COMMD7: variants seen among roughly 807,000 people sequenced by gnomAD.
COMMD7 encodes the protein COMM domain-containing protein 7.
A neutral mutation model predicts 34.8 loss-of-function variants in COMMD7; 28 were observed. The observed-to-expected ratio is 0.80, with a 90% CI of 0.60 to 1.10. The LOEUF (loss-of-function observed/expected upper bound fraction) is 1.10, where lower values mean the gene tolerates loss of function less well. COMMD7 is among the 50% of genes least tolerant of loss of function. COMMD7 has a pLI of 0.00. For missense variants in COMMD7, 211 were observed against 241.6 expected (o/e 0.87, Z 0.84); for synonymous variants, 80 against 86.4 (o/e 0.93, Z 0.41).
At chr20:32,724,951 TAAAAAAAAAAA>T in intron 3 of COMMD7, among the ~76,000 whole-genome samples, 1 of 13,888 alleles carries the variant, frequency 7.2e-5, no homozygotes, top group East Asian at 9.5e-4. Context: ...AAAATAAATT[TAAAAAAAAAAA>T]AAAAAAAAAA....
At chr20:32,714,249 C>T (rs2145728795) in intron 3 of COMMD7, among the ~76,000 whole-genome samples, 1 of 152,274 alleles carries the variant, frequency 6.6e-6, no homozygotes, top group East Asian at 1.9e-4. Flanking sequence ...GACTACATTT[C>T]ATTGCTGATT....
At chr20:32,733,206 C>T (rs878982662) in intron 1 of COMMD7, among the ~76,000 whole-genome samples, 1 of 151,910 alleles carries the variant, frequency 6.6e-6, no homozygotes, top group African/African-American at 2.4e-5. Flanking sequence ...CAGAGTAAGA[C>T]TCCATCTCAA....
intron 1 of COMMD7, among the ~76,000 whole-genome samples, chr20:32,728,469 C>T (rs1232931993): frequency 4.0e-5 from 6 of 151,756 alleles, no homozygotes; most frequent in East Asian, 1.9e-4. Context: ...CACACACACA[C>T]GCACGCACAA....
chr20:32,739,608 G>C (rs1986320324), intron 1 of COMMD7, among the ~76,000 whole-genome samples: 1 of 108,802 alleles, frequency 9.2e-6, no homozygotes. Context: ...TTGCACCACT[G>C]TACTCCAGCC....
chr20:32,704,982 A>T, intron 5 of COMMD7, 78 bp from the exon 6 acceptor site: 1 of 1,040,852 alleles, frequency 9.6e-7, no homozygotes, highest in Non-Finnish European at 1.5e-6. Flanking sequence ...ACATTGCAAT[A>T]TTTAGCATTG....
At chr20:32,707,928 T>C (rs1984200089) in intron 3 of COMMD7, among the ~76,000 whole-genome samples, 1 of 152,138 alleles carries the variant, frequency 6.6e-6, no homozygotes, top group Admixed American at 6.6e-5. Flanking sequence ...TGTCAAACAG[T>C]CACACAAGGC....
chr20:32,717,075 C>T (rs916858675), intron 3 of COMMD7, among the ~76,000 whole-genome samples: 1 of 152,162 alleles, frequency 6.6e-6, no homozygotes, highest in Non-Finnish European at 1.5e-5. Flanking sequence ...TCGTGATCCA[C>T]ATGCCTCGGC....
Position 32,743,450 on chromosome 20 carries a change from TCCGCTG to T in COMMD7, c.-65_-60del. ...GCCGCCGCCCTGCTCAGCTTCCTCC[TCCGCTG>T]CCGCTGCCACCGCTGCCGGCCTCTC... On this transcript the variant is annotated 5_prime_UTR_variant, in exon 1 of 9. Coordinates refer to ENST00000278980, the MANE Select transcript of COMMD7 (RefSeq NM_053041.3). The T allele has an allele frequency of 8.3e-7, 1 of 1,198,006 alleles. No individual in the cohort carries two copies. Among genetic ancestry groups the T allele is most frequent in the Non-Finnish European group, 1.1e-6 (1 of 939,224 alleles). The allele number at this position is 1,198,006 out of a possible 1,614,324, so 74.2% of individuals were successfully genotyped here.
At chr20:32,735,340 CAG>C (rs1165068375) in intron 1 of COMMD7, among the ~76,000 whole-genome samples, 1 of 151,824 alleles carries the variant, frequency 6.6e-6, no homozygotes, top group African/African-American at 2.4e-5. Context: ...TTTTTTGAGA[CAG>C]AGTCTCTCTG....
intron 1 of COMMD7, among the ~76,000 whole-genome samples, chr20:32,741,392 G>GT (rs1986435517): frequency 2.6e-5 from 2 of 76,256 alleles, no homozygotes; most frequent in South Asian, 4.2e-4. Flanking sequence ...CAACTAGAAA[G>GT]TTGTTTTTTT....
intron 3 of COMMD7, among the ~76,000 whole-genome samples, chr20:32,721,698 G>A (rs868098079): frequency 6.6e-6 from 1 of 152,176 alleles, no homozygotes; most frequent in Non-Finnish European, 1.5e-5. Context: ...TGACCAACAT[G>A]GAGAAACATC....
intron 3 of COMMD7, among the ~76,000 whole-genome samples, chr20:32,711,157 G>C (rs1984414088): frequency 6.6e-6 from 1 of 152,158 alleles, no homozygotes; most frequent in Non-Finnish European, 1.5e-5. Flanking sequence ...AGCACTTTGG[G>C]AGGCTGAGGC....
At chr20:32,716,761 A>G (rs953245328) in intron 3 of COMMD7, among the ~76,000 whole-genome samples, 4 of 152,240 alleles carry the variant, frequency 2.6e-5, no homozygotes, top group South Asian at 2.1e-4. Context: ...AGACCCCCAC[A>G]TCTCTAAAAC....
At chr20:32,728,506 C>T (rs1031742746) in intron 1 of COMMD7, among the ~76,000 whole-genome samples, 1 of 151,890 alleles carries the variant, frequency 6.6e-6, no homozygotes, top group Admixed American at 6.6e-5. Flanking sequence ...AAATTAAAAG[C>T]GGTTACCACT....
intron 3 of COMMD7, among the ~76,000 whole-genome samples, chr20:32,719,756 T>C (rs1033473084): frequency 6.6e-6 from 1 of 152,106 alleles, no homozygotes; most frequent in Non-Finnish European, 1.5e-5. Context: ...ATCCCATAAT[T>C]TGACATAAAG....
intron 1 of COMMD7, among the ~76,000 whole-genome samples, chr20:32,740,813 C>A (rs1258726239): frequency 2.8e-3 from 357 of 128,100 alleles, no homozygotes; most frequent in Admixed American, 3.1e-3. Flanking sequence ...GACCCTGCCT[C>A]AAAAAAAAAA....
chr20:32,729,256 C>T (rs979512081), intron 1 of COMMD7, among the ~76,000 whole-genome samples: 43 of 151,236 alleles, frequency 2.8e-4, no homozygotes, highest in Non-Finnish European at 1.0e-4. Flanking sequence ...GCAACCTCCA[C>T]CTTCTGAGTT....
intron 3 of COMMD7, among the ~76,000 whole-genome samples, 173 bp downstream of exon 3, chr20:32,727,720 T>C (rs373181343): frequency 1.8e-4 from 27 of 152,138 alleles, no homozygotes; most frequent in African/African-American, 6.3e-4. Context: ...ACTATTCAAC[T>C]ATACTATGTT....
chr20:32,710,289 C>G (rs915676107), intron 3 of COMMD7, among the ~76,000 whole-genome samples: 1 of 152,008 alleles, frequency 6.6e-6, no homozygotes, highest in Non-Finnish European at 1.5e-5. Flanking sequence ...TCAATTTTTC[C>G]ACTAGAACAC....
Sources: allele counts gnomAD v4.1 joint callset (sites outside exome capture counted in the v4.1 genomes callset), GRCh38; gene constraint gnomAD v4.1.1; transcripts MANE v1.5; gene names NCBI Gene and HGNC (gene_info 2026-07-23, HGNC 2026-07-21).